CARM1: variants seen among roughly 807,000 people sequenced by gnomAD.
CARM1 encodes histone-arginine methyltransferase CARM1.
A neutral mutation model predicts 72.7 loss-of-function variants in CARM1; 14 were observed. The ratio of observed to expected loss-of-function variants is 0.19; its 90% CI spans 0.13 to 0.30. The LOEUF (loss-of-function observed/expected upper bound fraction) is 0.30, where lower values mean the gene tolerates loss of function less well. CARM1 is among the 10% of genes least tolerant of loss of function. CARM1 has a pLI of 1.00. For synonymous variants in CARM1, 333 were observed against 345.5 expected (o/e 0.96, Z 0.40); for missense variants, 432 against 833.7 (o/e 0.52, Z 5.93).
At chr19:10,887,021 A>AG (rs1425695459) in intron 1 of CARM1, among the ~76,000 whole-genome samples, 1 of 151,916 alleles carries the variant, frequency 6.6e-6, no homozygotes, top group African/African-American at 2.4e-5. Flanking sequence ...CTGGGACTGC[A>AG]GGGGGGCACC....
At chr19:10,900,776 C>T (rs1244653818) in intron 1 of CARM1, among the ~76,000 whole-genome samples, 3 of 152,022 alleles carry the variant, frequency 2.0e-5, no homozygotes. Context: ...CTCCGCCTCC[C>T]AGGTTCCTGC....
In CARM1 at chr19:10,921,576, G is replaced by A. The variant is rs769631199; in HGVS notation, c.1685-39G>A. 5.0e-6 allele frequency: 8 copies of A among 1,589,592 alleles called. No individual in the cohort carries two copies. The South Asian group carries it at 9.0e-5, about 18-fold the overall frequency. ...TGTGACTCTGCCTGGGGGCTGGGCG[G>A]GCCAGGGCAGCCCCTCACTGCCATT... On this transcript the variant is annotated intron_variant, in intron 15 of 15. Transcript: ENST00000327064.
intron 5 of CARM1, among the ~76,000 whole-genome samples, chr19:10,913,124 G>C (rs925886053): frequency 6.8e-6 from 1 of 146,210 alleles, no homozygotes; most frequent in South Asian, 2.2e-4. Context: ...CTTTTTTTTT[G>C]GGGGGGGTCT....
chr19:10,894,365 C>G (rs147840210), intron 1 of CARM1, among the ~76,000 whole-genome samples: 295 of 152,006 alleles, frequency 1.9e-3, no homozygotes, highest in Admixed American at 3.9e-3. Flanking sequence ...CTTCAGAAAG[C>G]GTGTTTTTTT....
chr19:10,880,290 G>T (rs2073891956), intron 1 of CARM1, among the ~76,000 whole-genome samples: 1 of 152,178 alleles, frequency 6.6e-6, no homozygotes, highest in African/African-American at 2.4e-5. Flanking sequence ...TGCTTGAGGT[G>T]GCGAGTTGAG....
At chr19:10,919,364 G>A (rs781196119) in intron 8 of CARM1, 1 of 527,182 alleles carries the variant, frequency 1.9e-6, no homozygotes, top group Non-Finnish European at 3.3e-6. Flanking sequence ...TTAAACTCCT[G>A]TAGTGCCAAA....
chr19:10,913,885 G>A lies in CARM1; in HGVS notation c.678G>A (p.Val226=), dbSNP rs114556688. The change falls in exon 6 of 16, where the codon GTG becomes GTA. Residue 226 remains valine, a synonymous_variant. Transcript: ENST00000327064. ...GCCCTGCCCGCCTGCAGGTCTTGGT[G>A]AAGAGTAACAACCTGACGGACCGCA... ...STMAQHAEVL[V]KSNNLTDRIV... is the part of the protein sequence containing the mutation. 1.8e-3 allele frequency: 2,953 copies of A among 1,612,242 alleles called. 48 individuals carry two copies. The African/African-American group carries it at 0.036, about 20-fold the overall frequency.
chr19:10,891,124 C>G (rs1273577305), intron 1 of CARM1, among the ~76,000 whole-genome samples: 1 of 150,810 alleles, frequency 6.6e-6, no homozygotes, highest in South Asian at 2.1e-4. Context: ...TCGGTGGCTC[C>G]TTCTCTCGAC....
chr19:10,876,557 A>G (rs2073866342), intron 1 of CARM1, among the ~76,000 whole-genome samples: 1 of 152,250 alleles, frequency 6.6e-6, no homozygotes. Context: ...CTCCAGGGGA[A>G]GGATGACAGC....
Position 10,919,579 on chromosome 19 carries a change from C to T in CARM1, c.1021-16C>T. ...CCTGGCGTCAGATGCCACGTCACAC[C>T]TGTGGTCTCTCCCAGGACACATTTG... is the stretch of plus-strand genomic sequence containing the variant. On this transcript the variant is annotated splice_polypyrimidine_tract_variant and intron_variant, in intron 8 of 15. Transcript: ENST00000327064. The T allele has an allele frequency of 1.3e-6, 2 of 1,599,164 alleles. No homozygotes were observed. The highest frequency in any genetic ancestry group is 8.6e-7 in the Non-Finnish European group (1 of 1,166,816).
intron 1 of CARM1, among the ~76,000 whole-genome samples, chr19:10,898,379 GTC>G (rs1176164887): frequency 6.6e-6 from 1 of 152,084 alleles, no homozygotes; most frequent in Middle Eastern, 3.2e-3. Context: ...TGGCTCTAGA[GTC>G]TGCTTTTTGG....
chr19:10,919,919 G>T lies in CARM1; in HGVS notation c.1149G>T (p.Leu383=), dbSNP rs142320590. 1.2e-6 allele frequency: 2 copies of T among 1,614,190 alleles called. No individual in the cohort carries two copies. Among genetic ancestry groups the T allele is most frequent in the Non-Finnish European group, 1.7e-6 (2 of 1,180,006 alleles). Residue 383 remains leucine, a synonymous_variant, in exon 10 of 16, where the codon CTG becomes CTT. Transcript: ENST00000327064. The part of the protein sequence containing the change: ...PFKFHMLHSG[L]VHGLAFWFDV... Reference sequence around the variant, plus strand: ...AATTCCACATGCTGCATTCAGGGCTGGTCCACGGCCTGGCTTTCTGGTTTG... The same window carrying T: ...AATTCCACATGCTGCATTCAGGGCTTGTCCACGGCCTGGCTTTCTGGTTTG...
At chr19:10,887,206 G>A (rs972498654) in intron 1 of CARM1, among the ~76,000 whole-genome samples, 4 of 152,248 alleles carry the variant, frequency 2.6e-5, no homozygotes, top group Non-Finnish European at 4.4e-5. Context: ...GGCAGTGCAA[G>A]GCCATGGAGG....
Position 10,916,827 on chromosome 19 carries a change from T to C in CARM1, c.1020+50T>C. The C allele has an allele frequency of 3.8e-6, 5 of 1,309,500 alleles. No individual in the cohort carries two copies. Among genetic ancestry groups the C allele is most frequent in the African/African-American group, 1.5e-5 (1 of 68,792 alleles). The allele number at this position is 1,309,500 out of a possible 1,614,324, so 81.1% of individuals were successfully genotyped here. A position where few individuals can be genotyped will look rare whatever the true frequency, so the allele number is the denominator to read the frequency against. ...CTGCAGTGATCACTTGCCATTGCTG[T>C]GCAGCTGTGCAGCCCTCAGGAAGCT... is the stretch of plus-strand genomic sequence containing the variant. On this transcript the variant is annotated intron_variant, in intron 8 of 15. Transcript: ENST00000327064. This position sits in a 1 kb window ranked among gnomAD's most constrained non-coding sequence, Gnocchi z 4.4.
intron 1 of CARM1, among the ~76,000 whole-genome samples, chr19:10,901,958 T>C (rs1400482434): frequency 1.3e-5 from 2 of 151,512 alleles, no homozygotes; most frequent in Non-Finnish European, 2.9e-5. Context: ...CAAGAAAATA[T>C]ATAGGCCGGG....
At chr19:10,902,349 A>C (rs1156858475) in intron 1 of CARM1, among the ~76,000 whole-genome samples, 1 of 141,870 alleles carries the variant, frequency 7.0e-6, no homozygotes, top group Non-Finnish European at 1.5e-5. Flanking sequence ...GCTGGAGTAC[A>C]GTGGTGTGAT....
At chr19:10,891,215 C>T (rs1004327512) in intron 1 of CARM1, among the ~76,000 whole-genome samples, 2 of 151,872 alleles carry the variant, frequency 1.3e-5, no homozygotes, top group African/African-American at 2.4e-5. Context: ...ACTGTGTGCC[C>T]GTGGGTCTTG....
chr19:10,893,526 GAT>G (rs776577808), intron 1 of CARM1, among the ~76,000 whole-genome samples: 1 of 151,972 alleles, frequency 6.6e-6, no homozygotes, highest in Non-Finnish European at 1.5e-5. Context: ...TTTTAGTAGA[GAT>G]AGGTTTTCAC....
chr19:10,904,857 A>G, intron 1 of CARM1, 94 bp from the exon 2 acceptor site: 1 of 1,527,338 alleles, frequency 6.5e-7, no homozygotes, highest in Non-Finnish European at 8.9e-7. Flanking sequence ...TGGGGGCACC[A>G]AGGGGAGGCA....
Sources: gnomAD v4.1 joint callset for allele counts (sites outside exome capture counted in the v4.1 genomes callset) on GRCh38, gnomAD v4.1.1 for gene constraint, Gnocchi (gnomAD v3.1) non-coding constraint, MANE v1.5 for transcripts, NCBI Gene and HGNC (gene_info 2026-07-23, HGNC 2026-07-21) for gene names.